Variants in FBXL13 observed in about 807,000 individuals in gnomAD.
FBXL13 encodes the protein F-box and leucine rich repeat protein 13.
FBXL13 carries 67 observed loss-of-function variants against 83.6 expected under a neutral mutation model. That is an observed-to-expected ratio of 0.80 (90% CI 0.66 to 0.98). The LOEUF is 0.98. FBXL13 is among the 50% of genes least tolerant of loss of function. The pLI is 0.00. For synonymous variants in FBXL13, 272 were observed against 299.5 expected (o/e 0.91, Z 0.95); for missense variants, 822 against 866.5 (o/e 0.95, Z 0.64).
chr7:102,984,331 GAT>G (rs1253313898), intron 6 of FBXL13, among the ~76,000 whole-genome samples: 2 of 152,096 alleles, frequency 1.3e-5, no homozygotes, highest in African/African-American at 4.8e-5. Context: ...GAACCAAGAA[GAT>G]ATATATAACT....
intron 10 of FBXL13, among the ~76,000 whole-genome samples, chr7:102,916,977 T>C (rs992762730): frequency 6.6e-6 from 1 of 152,120 alleles, no homozygotes; most frequent in East Asian, 1.9e-4. Flanking sequence ...AAGGACTTAC[T>C]ACTAAGATGA....
At chr7:102,954,659 A>G (rs1318107135) in intron 8 of FBXL13, among the ~76,000 whole-genome samples, 1 of 152,210 alleles carries the variant, frequency 6.6e-6, no homozygotes, top group African/African-American at 2.4e-5. Context: ...TCTCATGTGC[A>G]AAGACACAGG....
chr7:102,972,718 G>T (rs1053775174), intron 6 of FBXL13, among the ~76,000 whole-genome samples: 1 of 150,824 alleles, frequency 6.6e-6, no homozygotes, highest in Non-Finnish European at 1.5e-5. Flanking sequence ...CATATAAAAA[G>T]ATAATAAATA....
intron 9 of FBXL13, among the ~76,000 whole-genome samples, chr7:102,929,601 T>C (rs1472012636): frequency 6.7e-6 from 1 of 148,230 alleles, no homozygotes; most frequent in African/African-American, 2.5e-5. Context: ...GAGGTGGAGG[T>C]TGTAGTGAGC....
In FBXL13 at chr7:103,074,018, C is replaced by G. The variant is rs1237957016; in HGVS notation, c.-105+228G>C. Among the ~76,000 whole-genome samples the G allele has an allele frequency of 3.3e-5, 5 of 152,322 alleles. No individual in the cohort carries two copies. In the East Asian group the frequency reaches 7.7e-4, roughly 23 times the overall value. On this transcript the variant is annotated intron_variant, in intron 1 of 19. Transcript: ENST00000313221. ...GCAAATGTTCTCAGCTTCCTACCCC[C>G]AAACCTACAAAACCTAATGTCTATC... is the stretch of plus-strand genomic sequence containing the variant.
At chr7:102,866,467 C>T (rs756158081) in intron 16 of FBXL13, among the ~76,000 whole-genome samples, 9 of 152,154 alleles carry the variant, frequency 5.9e-5, no homozygotes, top group Non-Finnish European at 1.2e-4. Flanking sequence ...AACCAAAAGC[C>T]CATAACTGGG....
intron 16 of FBXL13, among the ~76,000 whole-genome samples, chr7:102,856,408 G>A (rs1451793331): frequency 6.6e-6 from 1 of 152,178 alleles, no homozygotes; most frequent in African/African-American, 2.4e-5. Context: ...GTATGTTTTA[G>A]TATGCTATAG....
At chr7:102,819,668 G>A (rs1798532705) in intron 19 of FBXL13, among the ~76,000 whole-genome samples, 1 of 152,144 alleles carries the variant, frequency 6.6e-6, no homozygotes, top group Admixed American at 6.5e-5. Flanking sequence ...GTGATTCAAA[G>A]ACATTGAGCT....
intron 6 of FBXL13, among the ~76,000 whole-genome samples, chr7:102,999,016 T>C (rs1216151204): frequency 6.6e-6 from 1 of 151,930 alleles, no homozygotes; most frequent in Non-Finnish European, 1.5e-5. Flanking sequence ...AGGAAAGGCT[T>C]TCAATTTTTC....
At chr7:102,924,251 A>G (rs552792362) in intron 10 of FBXL13, among the ~76,000 whole-genome samples, 13 of 152,156 alleles carry the variant, frequency 8.5e-5, no homozygotes, top group Admixed American at 8.5e-4. Context: ...AAAAAAAAAA[A>G]AAAAAGTAAA....
chr7:103,073,181 C>A (rs1434137469), intron 1 of FBXL13, among the ~76,000 whole-genome samples: 2 of 152,222 alleles, frequency 1.3e-5, no homozygotes, highest in Admixed American at 1.3e-4. Flanking sequence ...GGCATAGGTT[C>A]TATGCATGCA....
At chr7:103,050,007 G>A (rs114097565) in intron 2 of FBXL13, 37 of 152,152 alleles carry the variant, frequency 2.4e-4, no homozygotes, top group African/African-American at 8.2e-4. Flanking sequence ...AAGGTCAAGC[G>A]CCTAAGCACA....
intron 18 of FBXL13, among the ~76,000 whole-genome samples, chr7:102,826,738 T>TC (rs1260535376): frequency 1.7e-5 from 1 of 58,594 alleles, no homozygotes; most frequent in Admixed American, 1.8e-4. Flanking sequence ...TATATATATA[T>TC]ATATATATAT....
intron 6 of FBXL13, among the ~76,000 whole-genome samples, chr7:103,019,580 G>T (rs1018667733): frequency 2.6e-5 from 4 of 152,076 alleles, no homozygotes; most frequent in African/African-American, 9.7e-5. Flanking sequence ...CGGATAGCAA[G>T]ACTCATAAAG....
chr7:103,074,253 A>G (rs1390916483), exon 1 of FBXL13: 1 of 998,466 alleles, frequency 1.0e-6, no homozygotes, highest in African/African-American at 1.7e-5. Context: ...CACCTTGGGC[A>G]GAATCCAGCT....
chr7:103,039,214 G>A (rs1249640105), intron 2 of FBXL13, among the ~76,000 whole-genome samples: 1 of 152,128 alleles, frequency 6.6e-6, no homozygotes, highest in Non-Finnish European at 1.5e-5. Context: ...GTGGAAGAAA[G>A]GATATCAGTG....
intron 8 of FBXL13, chr7:102,944,425 G>T: frequency 6.2e-7 from 1 of 1,613,994 alleles, no homozygotes; most frequent in Non-Finnish European, 8.5e-7. Flanking sequence ...CAAAACGCCT[G>T]AAGAATACAA....
At chr7:102,835,673 A>G (rs10266873) in intron 17 of FBXL13, among the ~76,000 whole-genome samples, 45,008 of 108,310 alleles carry the variant, frequency 0.42, 10,121 homozygotes, top group African/African-American at 0.69. Flanking sequence ...GCAGTGGCGC[A>G]ATCTCGGCTC....
chr7:102,844,210 G>A (rs1343426916), intron 17 of FBXL13, among the ~76,000 whole-genome samples: 3 of 152,200 alleles, frequency 2.0e-5, no homozygotes, highest in Non-Finnish European at 4.4e-5. Flanking sequence ...TAACTTCAGA[G>A]TCATTTATTA....
Sources: gnomAD v4.1 joint callset for allele counts (sites outside exome capture counted in the v4.1 genomes callset) on GRCh38, gnomAD v4.1.1 for gene constraint, MANE v1.5 for transcripts, NCBI Gene and HGNC (gene_info 2026-07-23, HGNC 2026-07-21) for gene names.